Variants in KCNIP1 observed in about 807,000 individuals in gnomAD.
KCNIP1 encodes A-type potassium channel modulatory protein KCNIP1.
A neutral mutation model predicts 33.0 loss-of-function variants in KCNIP1; 18 were observed. That is an observed-to-expected ratio of 0.55 (90% CI 0.38 to 0.81). KCNIP1 has a LOEUF of 0.81. KCNIP1 is among the 30% of genes least tolerant of loss of function. The probability of loss-of-function intolerance (pLI) is 0.00; values close to 1 mark genes in which losing one functional copy is unlikely to be tolerated. For missense variants in KCNIP1, 238 were observed against 271.6 expected (o/e 0.88, Z 0.87); for synonymous variants, 93 against 98.3 (o/e 0.95, Z 0.32).
chr5:170,441,640 C>T (rs1267622635), intron 1 of KCNIP1, among the ~76,000 whole-genome samples: 1 of 152,146 alleles, frequency 6.6e-6, no homozygotes, highest in Non-Finnish European at 1.5e-5. Context: ...CATCCCAGGG[C>T]TTGGCTTTTG....
At chr5:170,663,210 A>G (rs941559384) in intron 1 of KCNIP1, among the ~76,000 whole-genome samples, 1 of 152,186 alleles carries the variant, frequency 6.6e-6, no homozygotes, top group Non-Finnish European at 1.5e-5. Flanking sequence ...TGACTTGTCC[A>G]TGGTCACACA....
intron 1 of KCNIP1, among the ~76,000 whole-genome samples, chr5:170,568,997 C>T (rs1007359728): frequency 2.0e-5 from 3 of 152,156 alleles, no homozygotes; most frequent in African/African-American, 7.2e-5. Context: ...ATCGGGATAG[C>T]TTTCCATCCA....
chr5:170,634,249 G>A (rs1348324983), intron 1 of KCNIP1, among the ~76,000 whole-genome samples: 1 of 152,204 alleles, frequency 6.6e-6, no homozygotes, highest in African/African-American at 2.4e-5. Context: ...AGATGGCTGG[G>A]AGATATCTAA....
chr5:170,460,153 C>G (rs568359969), intron 1 of KCNIP1, among the ~76,000 whole-genome samples: 1 of 152,114 alleles, frequency 6.6e-6, no homozygotes, highest in East Asian at 1.9e-4. Context: ...GAATTCGATA[C>G]CATGAACAGA....
At chr5:170,594,160 A>G (rs189747340) in intron 1 of KCNIP1, among the ~76,000 whole-genome samples, 23 of 152,304 alleles carry the variant, frequency 1.5e-4, no homozygotes, top group Non-Finnish European at 2.2e-4. Context: ...TGAATATTCA[A>G]CAATACCCAG....
chr5:170,521,624 A>T lies in KCNIP1; in HGVS notation c.61+16991A>T, dbSNP rs80127805. Among the ~76,000 whole-genome samples the T allele has an allele frequency of 9.3e-3, 1,417 of 152,340 alleles. 26 individuals are homozygous for T. The highest frequency in any genetic ancestry group is 0.032 in the African/African-American group (1,331 of 41,580). ...AATCAAAGTTAGAAGTCAGGAGAGC[A>T]AAATCCACACACAGCATGCACCATC... On this transcript the variant is annotated intron_variant, in intron 1 of 7. Coordinates refer to ENST00000328939, the MANE Select transcript of KCNIP1 (RefSeq NM_014592.4).
chr5:170,423,082 T>G (rs1294557218), intron 1 of KCNIP1, among the ~76,000 whole-genome samples: 1 of 152,062 alleles, frequency 6.6e-6, no homozygotes, highest in Non-Finnish European at 1.5e-5. Flanking sequence ...CACAACCCTG[T>G]CTCAAACAAA....
At chr5:170,584,215 G>A (rs573457226) in intron 1 of KCNIP1, among the ~76,000 whole-genome samples, 1 of 152,234 alleles carries the variant, frequency 6.6e-6, no homozygotes, top group African/African-American at 2.4e-5. Context: ...CTGGACCTGG[G>A]AGCAGCCACG....
At chr5:170,567,470 GT>G (rs1757242766) in intron 1 of KCNIP1, among the ~76,000 whole-genome samples, 1 of 152,206 alleles carries the variant, frequency 6.6e-6, no homozygotes, top group Non-Finnish European at 1.5e-5. Flanking sequence ...AAGTTAAGTA[GT>G]CAGTCAGGAG....
intron 1 of KCNIP1, among the ~76,000 whole-genome samples, chr5:170,361,291 G>T (rs1048584666): frequency 6.6e-6 from 1 of 152,184 alleles, no homozygotes; most frequent in Non-Finnish European, 1.5e-5. Context: ...AGGCCTCCCG[G>T]GCCAGCTGGA....
At chr5:170,519,807 G>A (rs931068834) in intron 1 of KCNIP1, among the ~76,000 whole-genome samples, 5 of 152,110 alleles carry the variant, frequency 3.3e-5, no homozygotes, top group Non-Finnish European at 5.9e-5. Flanking sequence ...TGCAGACAGC[G>A]GCTGCCTGCC....
At chr5:170,559,969 G>A (rs1055636712) in intron 1 of KCNIP1, among the ~76,000 whole-genome samples, 4 of 152,184 alleles carry the variant, frequency 2.6e-5, no homozygotes, top group Admixed American at 1.3e-4. Context: ...ATAAGGCTGT[G>A]TCTCCCAGGG....
At chr5:170,682,247 T>G (rs1366904453) in intron 1 of KCNIP1, among the ~76,000 whole-genome samples, 1 of 152,230 alleles carries the variant, frequency 6.6e-6, no homozygotes, top group African/African-American at 2.4e-5. Flanking sequence ...GTCAAGTCAT[T>G]TTTTAAAAAA....
chr5:170,392,195 A>T (rs1008742454), intron 1 of KCNIP1, among the ~76,000 whole-genome samples: 2 of 151,706 alleles, frequency 1.3e-5, no homozygotes, highest in Non-Finnish European at 2.9e-5. Context: ...AGCAAATCTC[A>T]CCGGGCATGG....
rs533496572 is a variant in KCNIP1 at position 170,561,022 on chromosome 5, C to T, written c.61+56389C>T. 187 of 444,756 alleles carry T rather than the reference C, an allele frequency of 4.2e-4. 2 individuals carry two copies. Among genetic ancestry groups the T allele is most frequent in the South Asian group, 2.6e-3 (162 of 62,442 alleles). 27.6% of individuals were successfully genotyped at this position (444,756 alleles called of 1,614,324 possible). ...AGGCATTGTGGACAAGGAGGGCATC[C>T]GTGCCATCCAACGGGCAGGAGCCCA... On this transcript the variant is annotated intron_variant, in intron 1 of 7. Coordinates refer to ENST00000328939, the MANE Select transcript of KCNIP1 (RefSeq NM_014592.4).
At chr5:170,549,718 C>T (rs548048239) in intron 1 of KCNIP1, among the ~76,000 whole-genome samples, 15 of 152,206 alleles carry the variant, frequency 9.9e-5, no homozygotes, top group East Asian at 3.9e-4. Context: ...TGGAAACTCA[C>T]GAAGTATATT....
chr5:170,519,021 C>T (rs1185451856), intron 1 of KCNIP1, among the ~76,000 whole-genome samples: 1 of 152,150 alleles, frequency 6.6e-6, no homozygotes, highest in Admixed American at 6.5e-5. Flanking sequence ...CTGCTCTAGG[C>T]AAGTCAGAGG....
At chr5:170,700,252 C>A (rs1461246131) in intron 1 of KCNIP1, among the ~76,000 whole-genome samples, 1 of 152,180 alleles carries the variant, frequency 6.6e-6, no homozygotes, top group African/African-American at 2.4e-5. Flanking sequence ...AAGGCCACCA[C>A]AGAGAAGCCT....
At chr5:170,607,810 G>A (rs1223241073) in intron 1 of KCNIP1, among the ~76,000 whole-genome samples, 8 of 152,120 alleles carry the variant, frequency 5.3e-5, no homozygotes, top group Non-Finnish European at 7.4e-5. Flanking sequence ...GAGGGATTCC[G>A]GAGGGCAGCG....
Sources: gnomAD v4.1 joint callset for allele counts (sites outside exome capture counted in the v4.1 genomes callset) on GRCh38, gnomAD v4.1.1 for gene constraint, MANE v1.5 for transcripts, NCBI Gene and HGNC (gene_info 2026-07-23, HGNC 2026-07-21) for gene names.